Variants in PAK1 observed in about 807,000 individuals in gnomAD.
PAK1 encodes the protein serine/threonine-protein kinase PAK 1.
In PAK1, 29 loss-of-function variants were observed where a neutral mutation model predicts 67.4. That is an observed-to-expected ratio of 0.43 (90% CI 0.32 to 0.59). The LOEUF (loss-of-function observed/expected upper bound fraction) is 0.59, where lower values mean the gene tolerates loss of function less well. Ranked by LOEUF, PAK1 falls within the 20% of genes least tolerant of loss-of-function variation. PAK1 has a pLI of 0.07. For missense variants in PAK1, 337 were observed against 670.7 expected (o/e 0.50, Z 5.50); for synonymous variants, 223 against 237.4 (o/e 0.94, Z 0.56).
At chr11:77,393,285 A>G (rs75043335) in intron 1 of PAK1, among the ~76,000 whole-genome samples, 1,652 of 141,808 alleles carry the variant, frequency 0.012, 35 homozygotes, top group African/African-American at 0.041. Context: ...TAAAAAAAAA[A>G]AGAGAGAGAG....
At chr11:77,433,820 T>C (rs1955978236) in intron 1 of PAK1, among the ~76,000 whole-genome samples, 2 of 152,068 alleles carry the variant, frequency 1.3e-5, no homozygotes, top group Admixed American at 6.5e-5. Flanking sequence ...AATTTAAAAA[T>C]GGACAAAGGC....
intron 5 of PAK1, among the ~76,000 whole-genome samples, chr11:77,364,107 G>A (rs1414273523): frequency 6.6e-6 from 1 of 152,244 alleles, no homozygotes; most frequent in Non-Finnish European, 1.5e-5. Context: ...ACAGTCCTGA[G>A]TAGGGCAAAC....
intron 9 of PAK1, among the ~76,000 whole-genome samples, chr11:77,346,583 T>C (rs1944456515): frequency 6.6e-6 from 1 of 152,142 alleles, no homozygotes; most frequent in Non-Finnish European, 1.5e-5. Flanking sequence ...ATTTAAGCAA[T>C]AAATTTAGAC....
intron 1 of PAK1, among the ~76,000 whole-genome samples, chr11:77,473,043 C>G (rs1375427499): frequency 6.6e-6 from 1 of 152,202 alleles, no homozygotes; most frequent in Non-Finnish European, 1.5e-5. Context: ...GGGGGAGGGG[C>G]TGCGTAAGTC....
At chr11:77,347,079 C>A in intron 9 of PAK1, 1 of 456,240 alleles carries the variant, frequency 2.2e-6, no homozygotes, top group Non-Finnish European at 4.4e-6. Flanking sequence ...ATTTATTCTC[C>A]CTGGGGCAGG....
At chr11:77,382,476 TCC>T (rs1256873073) in intron 2 of PAK1, among the ~76,000 whole-genome samples, 3 of 152,174 alleles carry the variant, frequency 2.0e-5, no homozygotes, top group Non-Finnish European at 4.4e-5. Flanking sequence ...TCCCACTTTT[TCC>T]AGGAAGGATT....
At chr11:77,457,979 A>G (rs1242748471) in intron 1 of PAK1, among the ~76,000 whole-genome samples, 1 of 152,178 alleles carries the variant, frequency 6.6e-6, no homozygotes, top group East Asian at 1.9e-4. Context: ...GGCATCTCTG[A>G]TGTACCAGAC....
intron 8 of PAK1, 66 bp from the exon 9 acceptor site, chr11:77,349,353 A>G: frequency 2.4e-6 from 3 of 1,247,964 alleles, no homozygotes; most frequent in Admixed American, 1.9e-5. Context: ...ATATTTGTCA[A>G]ATGCAGTTCT....
At chr11:77,415,838 T>C (rs147787295) in intron 1 of PAK1, among the ~76,000 whole-genome samples, 4 of 152,218 alleles carry the variant, frequency 2.6e-5, no homozygotes, top group Admixed American at 2.6e-4. Context: ...CCTGTAAGTT[T>C]TTACTTTATA....
At chr11:77,398,570 T>A (rs1473178043) in intron 1 of PAK1, among the ~76,000 whole-genome samples, 1 of 152,230 alleles carries the variant, frequency 6.6e-6, no homozygotes, top group Non-Finnish European at 1.5e-5. Flanking sequence ...ACATTTTCTT[T>A]ATCCTTTCAT....
At chr11:77,460,112 T>G (rs1592556953) in intron 1 of PAK1, among the ~76,000 whole-genome samples, 2 of 140,630 alleles carry the variant, frequency 1.4e-5, no homozygotes, top group Admixed American at 7.4e-5. Context: ...AAAGAACAGG[T>G]GTGAAGGCCC....
intron 1 of PAK1, among the ~76,000 whole-genome samples, chr11:77,428,805 G>A (rs1268622362): frequency 6.6e-6 from 1 of 151,554 alleles, no homozygotes; most frequent in Non-Finnish European, 1.5e-5. Context: ...GGAGAGAGGG[G>A]TGCCCTGGTG....
intron 14 of PAK1, among the ~76,000 whole-genome samples, chr11:77,325,671 A>T (rs1183038916): frequency 6.6e-6 from 1 of 152,188 alleles, no homozygotes; most frequent in Admixed American, 6.5e-5. Context: ...TACAACTCTC[A>T]TGAACAGCAA....
At chr11:77,479,453 G>C (rs940979690), upstream of PAK1, among the ~76,000 whole-genome samples, 4 of 152,082 alleles carry the variant, frequency 2.6e-5, 1 homozygote, top group Admixed American at 2.6e-4. Flanking sequence ...CCAAAGGAGA[G>C]AAGGGGGAGA....
the PAK1 span, among the ~76,000 whole-genome samples, chr11:77,519,511 G>A: frequency 6.6e-6 from 1 of 152,206 alleles, no homozygotes; most frequent in South Asian, 2.1e-4. Flanking sequence ...CCCACTCTGA[G>A]TGTAGTTAAC....
intron 1 of PAK1, among the ~76,000 whole-genome samples, chr11:77,459,059 A>G (rs1020180236): frequency 9.2e-5 from 14 of 152,240 alleles, no homozygotes; most frequent in African/African-American, 3.4e-4. Flanking sequence ...TTCCAGGCTG[A>G]GGGAACAGGG....
At chr11:77,395,935 C>T (rs1262963076) in intron 1 of PAK1, among the ~76,000 whole-genome samples, 1 of 152,206 alleles carries the variant, frequency 6.6e-6, no homozygotes, top group Non-Finnish European at 1.5e-5. Context: ...TCTCAGTTCT[C>T]AAGTGTACCT....
intron 14 of PAK1, chr11:77,325,524 A>AT: frequency 1.2e-6 from 1 of 803,878 alleles, no homozygotes; most frequent in Non-Finnish European, 1.9e-6. Context: ...TTATATTACT[A>AT]TATCAGGAAG....
chr11:77,475,856 A>T (rs1958054348), upstream of PAK1: 1 of 152,176 alleles, frequency 6.6e-6, no homozygotes, highest in African/African-American at 2.4e-5. Context: ...ACATATACCT[A>T]AGTATCAATA....
Sources: gnomAD v4.1 joint callset for allele counts (sites outside exome capture counted in the v4.1 genomes callset) on GRCh38, gnomAD v4.1.1 for gene constraint, MANE v1.5 for transcripts, NCBI Gene and HGNC (gene_info 2026-07-23, HGNC 2026-07-21) for gene names.